The following RAB2A variants were observed in gnomAD, a reference collection of about 807,000 sequenced individuals.
RAB2A encodes ras-related protein Rab-2A.
A neutral mutation model predicts 32.5 loss-of-function variants in RAB2A; 7 were observed. That is an observed-to-expected ratio of 0.22 (90% CI 0.12 to 0.40). The LOEUF is 0.40. RAB2A is among the 10% of genes least tolerant of loss of function. The pLI is 1.00. For missense variants in RAB2A, 108 were observed against 260.7 expected (o/e 0.41, Z 4.03); for synonymous variants, 79 against 85.2 (o/e 0.93, Z 0.40).
intron 3 of RAB2A, among the ~76,000 whole-genome samples, chr8:60,582,337 A>T (rs748003530): frequency 6.6e-6 from 1 of 152,110 alleles, no homozygotes; most frequent in Non-Finnish European, 1.5e-5. Flanking sequence ...ACATTATTCT[A>T]ACTGCCAAAA....
At chr8:60,605,168 CT>C (rs1212894863) in intron 6 of RAB2A, among the ~76,000 whole-genome samples, 1 of 152,194 alleles carries the variant, frequency 6.6e-6, no homozygotes, top group Admixed American at 6.5e-5. Flanking sequence ...GCTCGGGACA[CT>C]GTTTCAGAGG....
chr8:60,560,821 G>A (rs1586083249), intron 2 of RAB2A, among the ~76,000 whole-genome samples: 1 of 151,350 alleles, frequency 6.6e-6, no homozygotes, highest in South Asian at 2.1e-4. Context: ...TATTCTTCCA[G>A]TGTTGCCCAG....
At chr8:60,535,290 G>A (rs1205343155) in intron 1 of RAB2A, among the ~76,000 whole-genome samples, 1 of 152,156 alleles carries the variant, frequency 6.6e-6, no homozygotes, top group Non-Finnish European at 1.5e-5. Flanking sequence ...TAAAAGTACT[G>A]CTTACATAGC....
At chr8:60,583,069 A>C (rs1311336713) in intron 3 of RAB2A, among the ~76,000 whole-genome samples, 4 of 152,064 alleles carry the variant, frequency 2.6e-5, no homozygotes, top group Non-Finnish European at 5.9e-5. Context: ...GGGAGTATAG[A>C]GGAAGGGTCA....
intron 1 of RAB2A, among the ~76,000 whole-genome samples, chr8:60,536,360 A>G (rs1190837066): frequency 6.6e-6 from 1 of 152,138 alleles, no homozygotes; most frequent in Non-Finnish European, 1.5e-5. Flanking sequence ...TTTGATACAA[A>G]CCATTTGTAT....
At chr8:60,573,170 G>T (rs964793759) in intron 3 of RAB2A, among the ~76,000 whole-genome samples, 1 of 152,074 alleles carries the variant, frequency 6.6e-6, no homozygotes, top group Non-Finnish European at 1.5e-5. Flanking sequence ...ACTGCTTTAG[G>T]GCATTAGGAG....
chr8:60,594,097 G>C (rs1803984456), intron 6 of RAB2A, among the ~76,000 whole-genome samples: 1 of 152,076 alleles, frequency 6.6e-6, no homozygotes, highest in African/African-American at 2.4e-5. Flanking sequence ...AGAAAATTGA[G>C]GAAACAAATG....
chr8:60,547,224 G>A (rs1016662898), intron 1 of RAB2A, among the ~76,000 whole-genome samples: 10 of 152,110 alleles, frequency 6.6e-5, no homozygotes, highest in Non-Finnish European at 1.5e-4. Context: ...TAAGGTCACC[G>A]ATCAACAGGA....
intron 1 of RAB2A, among the ~76,000 whole-genome samples, chr8:60,547,492 A>G (rs989059157): frequency 2.0e-5 from 3 of 148,942 alleles, no homozygotes; most frequent in Non-Finnish European, 3.0e-5. Flanking sequence ...GGCGCCCCTC[A>G]CCTCCCGGAC....
Position 60,568,087 on chromosome 8 carries a change from T to C in RAB2A, c.119-3959T>C, listed in dbSNP as rs535373543. ...CAGGCCACCTTCCCTCAAGTCTCCA[T>C]TTTGAACTTCTGCAGTGTCTAGGTT... is the stretch of plus-strand genomic sequence containing the variant. On this transcript the variant is annotated intron_variant, in intron 2 of 7. Coordinates refer to ENST00000262646, the MANE Select transcript of RAB2A (RefSeq NM_002865.3). Among the ~76,000 whole-genome samples, 240 of 152,356 alleles carry C rather than the reference T, an allele frequency of 1.6e-3. 1 individual carries two copies. Among genetic ancestry groups the C allele is most frequent in the Middle Eastern group, 0.01 (3 of 294 alleles).
At chr8:60,614,358 A>G (rs1161099684) in intron 6 of RAB2A, among the ~76,000 whole-genome samples, 1 of 152,030 alleles carries the variant, frequency 6.6e-6, no homozygotes, top group African/African-American at 2.4e-5. Context: ...TTCAGCAACA[A>G]TAGTCCTCCT....
At chr8:60,577,608 TC>T (rs1803659684) in intron 3 of RAB2A, among the ~76,000 whole-genome samples, 1 of 151,526 alleles carries the variant, frequency 6.6e-6, no homozygotes, top group Non-Finnish European at 1.5e-5. Context: ...TTATAGCAGT[TC>T]CTTGATAGAG....
intron 6 of RAB2A, among the ~76,000 whole-genome samples, chr8:60,609,193 C>G (rs1804292789): frequency 6.6e-6 from 1 of 152,134 alleles, no homozygotes; most frequent in South Asian, 2.1e-4. Flanking sequence ...ACAGTGTTCT[C>G]TCCCCTTCTC....
At chr8:60,577,332 G>A (rs1803651472) in intron 3 of RAB2A, among the ~76,000 whole-genome samples, 1 of 152,134 alleles carries the variant, frequency 6.6e-6, no homozygotes, top group African/African-American at 2.4e-5. Flanking sequence ...TACAGCGTGA[G>A]CCACTGCGCC....
chr8:60,535,533 T>A (rs570288136), intron 1 of RAB2A, among the ~76,000 whole-genome samples: 7 of 152,348 alleles, frequency 4.6e-5, no homozygotes, highest in Admixed American at 1.3e-4. Flanking sequence ...TCTCATTTTT[T>A]AAAAACTCTC....
chr8:60,569,913 GA>G (rs1390987228), intron 2 of RAB2A: 1 of 455,206 alleles, frequency 2.2e-6, no homozygotes, highest in Non-Finnish European at 4.4e-6. Flanking sequence ...GTTATGTATG[GA>G]ACCTACAGTA....
At chr8:60,547,813 G>A (rs1174402175) in intron 1 of RAB2A, among the ~76,000 whole-genome samples, 4 of 117,618 alleles carry the variant, frequency 3.4e-5, no homozygotes, top group South Asian at 3.0e-4. Context: ...CGGATGGGGC[G>A]GCTGGCCGGG....
intron 6 of RAB2A, among the ~76,000 whole-genome samples, chr8:60,615,916 T>C (rs1224463265): frequency 6.6e-6 from 1 of 152,198 alleles, no homozygotes; most frequent in Non-Finnish European, 1.5e-5. Flanking sequence ...ATATTAATGT[T>C]TGTCATGAAG....
intron 2 of RAB2A, among the ~76,000 whole-genome samples, chr8:60,559,851 T>C (rs1807994137): frequency 1.3e-5 from 2 of 152,216 alleles, no homozygotes; most frequent in Admixed American, 6.5e-5. Flanking sequence ...TGTTGATCCT[T>C]ATGTTCTGTG....
Sources: gnomAD v4.1 joint callset for allele counts (sites outside exome capture counted in the v4.1 genomes callset) on GRCh38, gnomAD v4.1.1 for gene constraint, MANE v1.5 for transcripts, NCBI Gene and HGNC (gene_info 2026-07-23, HGNC 2026-07-21) for gene names.